KCNIP4: variants seen among roughly 807,000 people sequenced by gnomAD.
The protein encoded by KCNIP4 is Kv channel-interacting protein 4.
KCNIP4 carries 12 observed loss-of-function variants against 34.0 expected under a neutral mutation model. The observed-to-expected ratio is 0.35, with a 90% CI of 0.23 to 0.57. The LOEUF (loss-of-function observed/expected upper bound fraction) is 0.57. KCNIP4 is among the 20% of genes least tolerant of loss of function. The pLI is 0.83. For missense variants in KCNIP4, 238 were observed against 311.7 expected, an observed-to-expected ratio of 0.76 and a Z score of 1.78; for synonymous variants, 124 against 102.2, an observed-to-expected ratio of 1.21 and a Z score of -1.29.
At chr4:21,344,070 G>A (rs1318379964) in intron 1 of KCNIP4, among the ~76,000 whole-genome samples, 1 of 152,090 alleles carries the variant, frequency 6.6e-6, no homozygotes, top group African/African-American at 2.4e-5. Context: ...AGGAGACAAA[G>A]AACTCAGGAA....
chr4:21,044,207 A>C, intron 1 of KCNIP4, among the ~76,000 whole-genome samples: 1 of 152,124 alleles, frequency 6.6e-6, no homozygotes, highest in East Asian at 1.9e-4. Flanking sequence ...TCACTGTTGT[A>C]GGATGCATAT....
intron 1 of KCNIP4, among the ~76,000 whole-genome samples, chr4:21,123,867 C>A (rs1226053397): frequency 6.6e-6 from 1 of 152,062 alleles, no homozygotes; most frequent in Non-Finnish European, 1.5e-5. Flanking sequence ...TGTCTCCGAG[C>A]CAAGAAGATG....
chr4:21,304,668 C>G (rs548258211), intron 1 of KCNIP4: 1 of 152,288 alleles, frequency 6.6e-6, no homozygotes, highest in East Asian at 1.9e-4. Context: ...CAGATTGCAA[C>G]GAGGCTTAAG....
At chr4:20,817,948 T>G (rs932489169) in intron 3 of KCNIP4, among the ~76,000 whole-genome samples, 5 of 152,226 alleles carry the variant, frequency 3.3e-5, no homozygotes, top group African/African-American at 1.2e-4. Flanking sequence ...ATACCAATAA[T>G]CTGAATTGTG....
At chr4:21,331,827 C>T (rs1345277025) in intron 1 of KCNIP4, among the ~76,000 whole-genome samples, 1 of 151,898 alleles carries the variant, frequency 6.6e-6, no homozygotes, top group Non-Finnish European at 1.5e-5. Context: ...TGCTGTCATC[C>T]TAGAATATGG....
intron 1 of KCNIP4, among the ~76,000 whole-genome samples, chr4:21,795,261 G>C (rs1720547111): frequency 6.6e-6 from 1 of 152,174 alleles, no homozygotes; most frequent in African/African-American, 2.4e-5. Flanking sequence ...TGAGGATGTG[G>C]TGAGGAGCGT....
At chr4:21,236,961 G>C (rs1244578972) in intron 1 of KCNIP4, among the ~76,000 whole-genome samples, 6 of 151,226 alleles carry the variant, frequency 4.0e-5, no homozygotes, top group Admixed American at 2.6e-4. Flanking sequence ...AGCCGAGATC[G>C]TGCCACTGCA....
chr4:20,747,359 G>C (rs2149328635), intron 5 of KCNIP4, among the ~76,000 whole-genome samples: 1 of 152,186 alleles, frequency 6.6e-6, no homozygotes, highest in East Asian at 1.9e-4. Flanking sequence ...AACTATATTA[G>C]GTAAAACCTT....
chr4:21,349,669 T>C (rs1578112626), intron 1 of KCNIP4, among the ~76,000 whole-genome samples: 2 of 152,270 alleles, frequency 1.3e-5, no homozygotes, highest in East Asian at 3.9e-4. Flanking sequence ...ACTGCTAACA[T>C]GGCAGCCACC....
chr4:21,596,240 C>A (rs1315498977), intron 1 of KCNIP4, among the ~76,000 whole-genome samples: 1 of 152,078 alleles, frequency 6.6e-6, no homozygotes, highest in Non-Finnish European at 1.5e-5. Context: ...TTACCATCTA[C>A]AATAAAAATT....
rs531169521 is a variant in KCNIP4 at position 21,879,770 on chromosome 4, C to T, written c.61+68801G>A. ...TGATATGGTTTCGCTGTGTCCTCAC[C>T]CAAATCTCATCTTATAGTTCCCATA... On this transcript the variant is annotated intron_variant, in intron 1 of 8. Transcript: ENST00000382152. Among the ~76,000 whole-genome samples the T allele has an allele frequency of 4.0e-5, 6 of 151,810 alleles. No individual in the cohort carries two copies. In the South Asian group the frequency reaches 1.3e-3, roughly 32 times the overall value.
chr4:21,751,834 A>G (rs1158372627), intron 1 of KCNIP4, among the ~76,000 whole-genome samples: 1 of 152,182 alleles, frequency 6.6e-6, no homozygotes, highest in South Asian at 2.1e-4. Context: ...TTAAAACAAC[A>G]TCTGATGGAA....
chr4:21,722,426 G>A (rs541274821), intron 1 of KCNIP4, among the ~76,000 whole-genome samples: 1 of 152,064 alleles, frequency 6.6e-6, no homozygotes, highest in African/African-American at 2.4e-5. Flanking sequence ...CTGGGTAGGA[G>A]AGAAAACAAG....
intron 1 of KCNIP4, among the ~76,000 whole-genome samples, chr4:21,875,778 C>A (rs947050417): frequency 6.6e-6 from 1 of 152,034 alleles, no homozygotes; most frequent in Non-Finnish European, 1.5e-5. Flanking sequence ...GGCCTGATTT[C>A]ATTATAGTAA....
At chr4:21,292,126 A>G (rs985693550) in intron 1 of KCNIP4, among the ~76,000 whole-genome samples, 5 of 152,160 alleles carry the variant, frequency 3.3e-5, no homozygotes, top group African/African-American at 9.7e-5. Flanking sequence ...AACATAATAA[A>G]TAAACTACTA....
intron 1 of KCNIP4, among the ~76,000 whole-genome samples, chr4:21,945,244 T>C (rs1278839125): frequency 6.6e-6 from 1 of 152,204 alleles, no homozygotes; most frequent in South Asian, 2.1e-4. Flanking sequence ...AGATTTTATA[T>C]TGCATGGCTC....
intron 1 of KCNIP4, among the ~76,000 whole-genome samples, chr4:21,182,789 G>A (rs572618936): frequency 6.6e-6 from 1 of 152,016 alleles, no homozygotes; most frequent in East Asian, 1.9e-4. Flanking sequence ...TTTATCATAT[G>A]TAACATGATG....
intron 1 of KCNIP4, among the ~76,000 whole-genome samples, chr4:21,275,544 G>T (rs1212276816): frequency 1.3e-5 from 2 of 152,124 alleles, no homozygotes; most frequent in South Asian, 4.1e-4. Context: ...CACAGGCCAG[G>T]TCTAAATAAA....
chr4:21,290,014 A>C (rs2109200395), intron 1 of KCNIP4, among the ~76,000 whole-genome samples: 1 of 152,318 alleles, frequency 6.6e-6, no homozygotes, highest in Middle Eastern at 3.4e-3. Flanking sequence ...GCAGGTACAA[A>C]AAAAAATAGC....
Sources: allele counts gnomAD v4.1 joint callset (sites outside exome capture counted in the v4.1 genomes callset), GRCh38; gene constraint gnomAD v4.1.1; transcripts MANE v1.5; gene names NCBI Gene and HGNC (gene_info 2026-07-23, HGNC 2026-07-21).